ALG14: variants seen among roughly 807,000 people sequenced by gnomAD.
The protein encoded by ALG14 is UDP-N-acetylglucosamine transferase subunit ALG14.
A neutral mutation model predicts 22.8 loss-of-function variants in ALG14; 17 were observed. The observed-to-expected ratio is 0.75, with a 90% CI of 0.51 to 1.12. The LOEUF is 1.12. ALG14 is among the 50% of genes most tolerant of loss of function. The probability of loss-of-function intolerance (pLI) is 0.00; values close to 1 mark genes in which losing one functional copy is unlikely to be tolerated. For synonymous variants in ALG14, 89 were observed against 103.7 expected (o/e 0.86, Z 0.86); for missense variants, 288 against 271.8 (o/e 1.06, Z -0.42).
chr1:95,039,948 G>A (rs1033266421), intron 2 of ALG14, among the ~76,000 whole-genome samples: 9 of 152,014 alleles, frequency 5.9e-5, no homozygotes, highest in East Asian at 1.9e-4. Context: ...CGAGGTGGGC[G>A]GATCACTTGA....
intron 2 of ALG14, among the ~76,000 whole-genome samples, chr1:95,059,574 G>T (rs1457625310): frequency 6.6e-6 from 1 of 151,484 alleles, no homozygotes; most frequent in Admixed American, 6.6e-5. Context: ...CTTTTGGGAG[G>T]GGCCCTTTGT....
At position 94,981,431 on chromosome 1, in the gene ALG14, A is replaced by G. The variant is rs1321366057; in HGVS notation, c.*1645T>C. 6.7e-6 allele frequency: 1 copy of G among 150,034 alleles called. No homozygotes were observed. The highest frequency in any genetic ancestry group is 6.7e-5 in the Admixed American group (1 of 14,950). 9.3% of individuals were successfully genotyped at this position (150,034 alleles called of 1,614,324 possible). On this transcript the variant is annotated 3_prime_UTR_variant, in exon 4 of 4. Coordinates refer to ENST00000370205, the MANE Select transcript of ALG14 (RefSeq NM_144988.4). ...CAGATGCGCCTGTTACATGATTCAG[A>G]GAAGACAGTTTTTTTGTTTTTTTTG...
chr1:94,984,639 C>T (rs1007401154), intron 3 of ALG14, among the ~76,000 whole-genome samples: 1 of 152,228 alleles, frequency 6.6e-6, no homozygotes, highest in African/African-American at 2.4e-5. Context: ...GAATTACCAG[C>T]TACTAAGCTG....
At chr1:95,043,785 G>A (rs1014923627) in intron 2 of ALG14, among the ~76,000 whole-genome samples, 2 of 151,888 alleles carry the variant, frequency 1.3e-5, no homozygotes, top group African/African-American at 2.4e-5. Context: ...AGGAGGGGGA[G>A]AGAGGAGAGA....
At chr1:95,025,037 C>G (rs567530842) in intron 3 of ALG14, among the ~76,000 whole-genome samples, 2 of 152,312 alleles carry the variant, frequency 1.3e-5, no homozygotes, top group Non-Finnish European at 2.9e-5. Flanking sequence ...ATGGCAGCTA[C>G]AGCCTTACAA....
At chr1:95,049,706 T>G (rs960678452) in intron 2 of ALG14, among the ~76,000 whole-genome samples, 1 of 151,722 alleles carries the variant, frequency 6.6e-6, no homozygotes, top group Non-Finnish European at 1.5e-5. Context: ...ACCCTGTTAC[T>G]ACAAAATATC....
At chr1:95,032,074 G>A (rs926730050) in intron 2 of ALG14, among the ~76,000 whole-genome samples, 7 of 151,990 alleles carry the variant, frequency 4.6e-5, no homozygotes, top group Non-Finnish European at 8.8e-5. Context: ...CTCCCAAAGT[G>A]CTGGGATTAC....
intron 1 of ALG14, among the ~76,000 whole-genome samples, chr1:95,066,276 T>C (rs1386920680): frequency 1.3e-5 from 2 of 152,070 alleles, no homozygotes; most frequent in East Asian, 3.9e-4. Flanking sequence ...CAGGCTGGAA[T>C]ACAATTGTGT....
chr1:94,995,505 G>C (rs561160623), intron 3 of ALG14, among the ~76,000 whole-genome samples: 2 of 152,302 alleles, frequency 1.3e-5, no homozygotes, highest in East Asian at 3.9e-4. Flanking sequence ...TTGAGGTCAG[G>C]GGTTTGAGAC....
chr1:95,038,117 G>A (rs1314676053), intron 2 of ALG14, among the ~76,000 whole-genome samples: 1 of 152,136 alleles, frequency 6.6e-6, no homozygotes, highest in Non-Finnish European at 1.5e-5. Context: ...CAAGATACGT[G>A]GATTGCCTGA....
At chr1:95,014,851 G>T (rs1301712854) in intron 3 of ALG14, among the ~76,000 whole-genome samples, 2 of 152,112 alleles carry the variant, frequency 1.3e-5, no homozygotes, top group African/African-American at 2.4e-5. Flanking sequence ...GCTATCTTAA[G>T]AAATAAAAAG....
chr1:95,014,814 A>G (rs1282711249), intron 3 of ALG14, among the ~76,000 whole-genome samples: 2 of 152,196 alleles, frequency 1.3e-5, no homozygotes, highest in East Asian at 3.8e-4. Flanking sequence ...GACATCAGAA[A>G]GTCTTGCACC....
intron 2 of ALG14, among the ~76,000 whole-genome samples, chr1:95,052,489 G>A (rs1386942012): frequency 2.0e-5 from 3 of 152,084 alleles, no homozygotes; most frequent in Non-Finnish European, 2.9e-5. Flanking sequence ...AAAATAAAAG[G>A]TTTGTTTTTC....
chr1:94,979,457 G>A lies in ALG14; in HGVS notation c.*3619C>T, dbSNP rs1180474620. 1.3e-5 allele frequency: 2 copies of A among 152,070 alleles called. No individual in the cohort carries two copies. Among genetic ancestry groups the A allele is most frequent in the African/African-American group, 4.8e-5 (2 of 41,420 alleles). 9.4% of individuals were successfully genotyped at this position (152,070 alleles called of 1,614,324 possible). Reference sequence around the variant, plus strand: ...TCAATAAAACTTGCTCATCAAGCAAGAAATTTTTGTTGAAGAGCTGGCTTA... The same window carrying A: ...TCAATAAAACTTGCTCATCAAGCAAAAAATTTTTGTTGAAGAGCTGGCTTA... On this transcript the variant is annotated 3_prime_UTR_variant, in exon 4 of 4. Transcript: ENST00000370205.
chr1:95,040,207 A>ATAAATAAG (rs1040010148), intron 2 of ALG14, among the ~76,000 whole-genome samples: 1 of 150,382 alleles, frequency 6.6e-6, no homozygotes, highest in South Asian at 2.1e-4. Flanking sequence ...AAATAAATAA[A>ATAAATAAG]TAAGATTCCT....
chr1:94,997,654 G>A (rs1186753328), intron 3 of ALG14, among the ~76,000 whole-genome samples: 3 of 152,184 alleles, frequency 2.0e-5, no homozygotes, highest in East Asian at 1.9e-4. Context: ...TGCCTCATCT[G>A]TAATATGTGG....
At chr1:95,046,625 G>A (rs1362381966) in intron 2 of ALG14, among the ~76,000 whole-genome samples, 1 of 152,134 alleles carries the variant, frequency 6.6e-6, no homozygotes. Flanking sequence ...TTTAATTTGG[G>A]CTTCTTTATT....
intron 2 of ALG14, among the ~76,000 whole-genome samples, chr1:95,042,122 T>C (rs114580737): frequency 0.025 from 3,804 of 152,214 alleles, 62 homozygotes; most frequent in South Asian, 0.082. Flanking sequence ...TTCTAAAAAA[T>C]AGCTGTTTTC....
rs57730557 is a variant in ALG14, at chr1:94,982,120, G to GTTTTTTT, written c.*949_*955dup. 10 of 118,394 alleles carry GTTTTTTT rather than the reference G, an allele frequency of 8.4e-5. 1 individual carries two copies. The highest frequency in any genetic ancestry group is 1.6e-4 in the African/African-American group (5 of 31,718). The allele number at this position is 118,394 out of a possible 1,614,324, so 7.3% of individuals were successfully genotyped here. The stretch of plus-strand genomic sequence containing the variant: ...AACAGTCCCTACATCATTGAGTTTT[G>GTTTTTTT]TTTTTTTTTTTTTTTTTTGAGACGA... On this transcript the variant is annotated 3_prime_UTR_variant, in exon 4 of 4. Coordinates refer to ENST00000370205, the MANE Select transcript of ALG14 (RefSeq NM_144988.4).
Sources: gnomAD v4.1 joint callset for allele counts (sites outside exome capture counted in the v4.1 genomes callset) on GRCh38, gnomAD v4.1.1 for gene constraint, MANE v1.5 for transcripts, NCBI Gene and HGNC (gene_info 2026-07-23, HGNC 2026-07-21) for gene names.